Variants in CLDN10 observed in about 807,000 individuals in gnomAD.
CLDN10 encodes claudin 10.
In CLDN10, 15 loss-of-function variants were observed where a neutral mutation model predicts 22.9. That is an observed-to-expected ratio of 0.65 (90% confidence interval 0.44 to 1.01). The LOEUF (loss-of-function observed/expected upper bound fraction) is 1.01. CLDN10 is among the 50% of genes least tolerant of loss of function. CLDN10 has a pLI of 0.00. For missense variants in CLDN10, 247 were observed against 287.8 expected (o/e 0.86, Z 1.03); for synonymous variants, 114 against 111.4 (o/e 1.02, Z -0.15).
intron 1 of CLDN10, among the ~76,000 whole-genome samples, chr13:95,438,517 A>G (rs1054463533): frequency 6.6e-6 from 1 of 152,244 alleles, no homozygotes; most frequent in African/African-American, 2.4e-5. Context: ...TTAAATGACC[A>G]CAAGACCCAA....
At chr13:95,472,187 C>T (rs2042640087) in intron 1 of CLDN10, among the ~76,000 whole-genome samples, 1 of 152,078 alleles carries the variant, frequency 6.6e-6, no homozygotes, top group Admixed American at 6.6e-5. Context: ...TGAGCACACT[C>T]TAGAAGCAGA....
At chr13:95,452,794 TCTTA>T (rs2042444155) in intron 1 of CLDN10, among the ~76,000 whole-genome samples, 1 of 152,238 alleles carries the variant, frequency 6.6e-6, no homozygotes, top group African/African-American at 2.4e-5. Flanking sequence ...CTTTCATGTA[TCTTA>T]CTTTATTTTC....
At chr13:95,501,130 C>T (rs899085444) in intron 1 of CLDN10, among the ~76,000 whole-genome samples, 1 of 151,980 alleles carries the variant, frequency 6.6e-6, no homozygotes, top group Non-Finnish European at 1.5e-5. Flanking sequence ...TCTCCTGCCT[C>T]GGCCTTCCAA....
chr13:95,450,916 G>A (rs931221107), intron 1 of CLDN10, among the ~76,000 whole-genome samples: 7 of 152,300 alleles, frequency 4.6e-5, no homozygotes, highest in South Asian at 4.1e-4. Context: ...GTTCAGCTGC[G>A]TTGAGAGCAT....
intron 1 of CLDN10, among the ~76,000 whole-genome samples, chr13:95,556,323 G>A (rs2043639100): frequency 6.6e-6 from 1 of 152,214 alleles, no homozygotes; most frequent in African/African-American, 2.4e-5. Flanking sequence ...TGGGATTACA[G>A]GCATGAGCCA....
intron 1 of CLDN10, among the ~76,000 whole-genome samples, chr13:95,531,769 C>T (rs2043345526): frequency 6.6e-6 from 1 of 151,502 alleles, no homozygotes; most frequent in African/African-American, 2.4e-5. Flanking sequence ...TCTCGAACTC[C>T]TGATCTCCAC....
At chr13:95,513,530 T>G (rs1286372185) in intron 1 of CLDN10, among the ~76,000 whole-genome samples, 2 of 152,152 alleles carry the variant, frequency 1.3e-5, no homozygotes, top group Non-Finnish European at 2.9e-5. Context: ...TTGCTCAACA[T>G]CCTCTCTCCT....
intron 1 of CLDN10, among the ~76,000 whole-genome samples, chr13:95,522,044 G>C (rs183614995): frequency 6.6e-6 from 1 of 151,876 alleles, no homozygotes; most frequent in African/African-American, 2.4e-5. Flanking sequence ...TGTTTGTGCT[G>C]CTTCTTTTCT....
intron 3 of CLDN10, among the ~76,000 whole-genome samples, chr13:95,568,444 A>T (rs1457190827): frequency 1.5e-4 from 23 of 152,232 alleles, no homozygotes; most frequent in African/African-American, 5.3e-4. Flanking sequence ...AGTGCATGAC[A>T]TCATGATTTC....
At chr13:95,542,176 C>T (rs1237152510) in intron 1 of CLDN10, among the ~76,000 whole-genome samples, 1 of 152,174 alleles carries the variant, frequency 6.6e-6, no homozygotes, top group Admixed American at 6.5e-5. Context: ...GGAACAGCCC[C>T]AAGGGGATGG....
At chr13:95,527,726 G>C (rs193119751) in intron 1 of CLDN10, among the ~76,000 whole-genome samples, 5 of 152,078 alleles carry the variant, frequency 3.3e-5, no homozygotes, top group Admixed American at 2.6e-4. Flanking sequence ...ACAGAGCAAG[G>C]CTCAGTCTCG....
chr13:95,560,377 G>C lies in CLDN10; in HGVS notation c.383-5G>C, dbSNP rs747968404. 17 of 1,613,478 alleles carry C rather than the reference G, an allele frequency of 1.1e-5. No individual in the cohort carries two copies. In the African/African-American group the frequency reaches 1.6e-4, roughly 15 times the overall value. ...CCATAGTGCTTTCCCTCTAATATTT[G>C]TTAGGGCTGTGCTCAATGACTGGAT... On this transcript the variant is annotated splice_region_variant and splice_polypyrimidine_tract_variant and intron_variant, in intron 2 of 4. Transcript: ENST00000299339.
chr13:95,501,473 C>T (rs1039436538), intron 1 of CLDN10, among the ~76,000 whole-genome samples: 1 of 152,126 alleles, frequency 6.6e-6, no homozygotes, highest in African/African-American at 2.4e-5. Flanking sequence ...GCCACCATGC[C>T]CAGCTTTTCT....
At chr13:95,449,916 T>G (rs554964001) in intron 1 of CLDN10, among the ~76,000 whole-genome samples, 1 of 152,228 alleles carries the variant, frequency 6.6e-6, no homozygotes, top group South Asian at 2.1e-4. Flanking sequence ...GCTGATTTTT[T>G]GTATTTTTAG....
intron 1 of CLDN10, among the ~76,000 whole-genome samples, chr13:95,489,413 G>A (rs887241184): frequency 6.6e-6 from 1 of 152,024 alleles, no homozygotes; most frequent in East Asian, 1.9e-4. Context: ...TTTGATAATG[G>A]CCATTCTTGC....
intron 1 of CLDN10, among the ~76,000 whole-genome samples, chr13:95,468,582 C>T (rs188369511): frequency 5.7e-4 from 87 of 152,198 alleles, no homozygotes; most frequent in African/African-American, 1.9e-3. Context: ...AAAAATTAGC[C>T]AGGTATGGTG....
intron 1 of CLDN10, among the ~76,000 whole-genome samples, chr13:95,543,113 C>T (rs1170038795): frequency 6.6e-6 from 1 of 152,018 alleles, no homozygotes. Flanking sequence ...ATGCCTGTAA[C>T]CCCAGCTACT....
chr13:95,447,239 G>A (rs1377580148), intron 1 of CLDN10, among the ~76,000 whole-genome samples: 12 of 152,080 alleles, frequency 7.9e-5, no homozygotes, highest in African/African-American at 1.2e-4. Flanking sequence ...TATTTCCACC[G>A]GCAAGTCTTG....
At chr13:95,486,587 G>T (rs1323256261) in intron 1 of CLDN10, among the ~76,000 whole-genome samples, 6 of 151,658 alleles carry the variant, frequency 4.0e-5, no homozygotes, top group African/African-American at 1.5e-4. Flanking sequence ...CCTGGTGGTT[G>T]GTTGGCATAG....
Sources: allele counts gnomAD v4.1 joint callset (sites outside exome capture counted in the v4.1 genomes callset), GRCh38; gene constraint gnomAD v4.1.1; transcripts MANE v1.5; gene names NCBI Gene and HGNC (gene_info 2026-07-23, HGNC 2026-07-21).